Variants in ARHGAP26 observed in about 807,000 individuals in gnomAD.
ARHGAP26 encodes the protein rho GTPase-activating protein 26.
ARHGAP26 carries 38 observed loss-of-function variants against 104.8 expected under a neutral mutation model. The ratio of observed to expected loss-of-function variants is 0.36; its 90% CI spans 0.28 to 0.48. The LOEUF (loss-of-function observed/expected upper bound fraction) is 0.48. Among genes scored for constraint, ARHGAP26 ranks in the 20% least tolerant of loss-of-function variants. The pLI is 0.99. For synonymous variants in ARHGAP26, 341 were observed against 340.0 expected (o/e 1.00, Z -0.03); for missense variants, 704 against 947.9 (o/e 0.74, Z 3.38).
chr5:142,879,395 C>T lies in ARHGAP26; in HGVS notation c.334C>T (p.Leu112Phe), dbSNP rs1171407994. ...IRMIENASEVLITPLEKFRKE... is the reference protein window; with the variant it reads ...IRMIENASEVFITPLEKFRKE... ...CCAGATTGAGAATGCCAGCGAGGTG[C>T]TCATCACTCCCTTGGAGAAGTTTCG... The change falls in exon 4 of 23, where the codon CTC (leucine) becomes TTC (phenylalanine). Residue 112 changes from leucine to phenylalanine, a missense_variant. Leu to Phe is a conservative substitution (Grantham distance 22, BLOSUM62 0). This residue lies in a region of ARHGAP26 where 106 missense variants were observed against 120.5 expected (regional missense o/e 0.88). Coordinates refer to ENST00000645722, the MANE Select transcript of ARHGAP26 (RefSeq NM_001135608.3). 6.2e-7 allele frequency: 1 copy of T among 1,613,978 alleles called. No individual in the cohort carries two copies. The highest frequency in any genetic ancestry group is 8.5e-7 in the Non-Finnish European group (1 of 1,179,996).
At chr5:143,214,698 C>T (rs1163111713) in intron 22 of ARHGAP26, among the ~76,000 whole-genome samples, 1 of 152,106 alleles carries the variant, frequency 6.6e-6, no homozygotes, top group Non-Finnish European at 1.5e-5. Flanking sequence ...GTGCCCAGCC[C>T]CTGCATTCAG....
At chr5:142,922,174 A>C (rs73796612) in intron 10 of ARHGAP26, 1 of 152,222 alleles carries the variant, frequency 6.6e-6, no homozygotes, top group East Asian at 1.9e-4. Context: ...AAGAAACTGT[A>C]TTAATTTTAA....
chr5:142,900,079 G>A (rs1760079064), intron 6 of ARHGAP26, among the ~76,000 whole-genome samples: 1 of 152,202 alleles, frequency 6.6e-6, no homozygotes. Flanking sequence ...CGATGGGGCA[G>A]GGCATTTGCA....
At position 142,903,490 on chromosome 5, in the gene ARHGAP26, A is replaced by T. The variant is rs35292; in HGVS notation, c.703-50A>T. ...TTCTATTAGGTTGATCTGGATTGTT[A>T]AAACAGATACTTTGTTTCTTTGATT... On this transcript the variant is annotated intron_variant, in intron 7 of 22. Coordinates refer to ENST00000645722, the MANE Select transcript of ARHGAP26 (RefSeq NM_001135608.3). The T allele has an allele frequency of 2.3e-4, 370 of 1,589,468 alleles. 1 individual carries two copies. The highest frequency in any genetic ancestry group is 1.5e-5 in the Non-Finnish European group (17 of 1,164,900).
At chr5:142,781,009 T>G (rs1051685334) in intron 1 of ARHGAP26, among the ~76,000 whole-genome samples, 1 of 152,252 alleles carries the variant, frequency 6.6e-6, no homozygotes, top group Non-Finnish European at 1.5e-5. Flanking sequence ...GAAGGCTACA[T>G]TGGCCAGGTT....
chr5:142,972,594 G>A (rs572905171), intron 11 of ARHGAP26, among the ~76,000 whole-genome samples: 4 of 152,150 alleles, frequency 2.6e-5, no homozygotes, highest in African/African-American at 7.2e-5. Context: ...ATGTAGTAAA[G>A]CAGTTACTAT....
chr5:143,009,229 C>T (rs2152805960), intron 11 of ARHGAP26, among the ~76,000 whole-genome samples: 1 of 152,292 alleles, frequency 6.6e-6, no homozygotes, highest in African/African-American at 2.4e-5. Context: ...CTTTCTGACT[C>T]AGGGCAAGTT....
chr5:143,021,685 C>G (rs1780363294), intron 12 of ARHGAP26, among the ~76,000 whole-genome samples: 1 of 152,174 alleles, frequency 6.6e-6, no homozygotes, highest in Admixed American at 6.5e-5. Context: ...TTCATAAACT[C>G]ATTGTAAGAA....
chr5:143,067,392 T>C (rs1438978001), intron 17 of ARHGAP26, among the ~76,000 whole-genome samples: 1 of 152,234 alleles, frequency 6.6e-6, no homozygotes, highest in Non-Finnish European at 1.5e-5. Flanking sequence ...TACTGAAATC[T>C]GTATTGAAGT....
chr5:142,927,712 T>A (rs1764123129), intron 10 of ARHGAP26, among the ~76,000 whole-genome samples: 3 of 152,208 alleles, frequency 2.0e-5, no homozygotes, highest in Admixed American at 2.0e-4. Flanking sequence ...TGCTAGGTCA[T>A]AGGGCAGGTT....
chr5:143,198,962 A>G (rs976554768), intron 20 of ARHGAP26, among the ~76,000 whole-genome samples: 12 of 152,238 alleles, frequency 7.9e-5, no homozygotes, highest in African/African-American at 2.9e-4. Flanking sequence ...TTAAAGCTAG[A>G]AAACAGAACC....
chr5:143,103,464 A>G (rs1270632407), intron 17 of ARHGAP26: 1 of 152,778 alleles, frequency 6.5e-6, no homozygotes, highest in Non-Finnish European at 1.5e-5. Context: ...AAAGGATTAT[A>G]AATCATTCTA....
intron 1 of ARHGAP26, among the ~76,000 whole-genome samples, chr5:142,809,450 C>T (rs1348029728): frequency 6.6e-6 from 1 of 152,152 alleles, no homozygotes; most frequent in Non-Finnish European, 1.5e-5. Flanking sequence ...TGGACACTAG[C>T]AATCAAGACA....
At chr5:143,034,210 C>T (rs527270838) in intron 12 of ARHGAP26, among the ~76,000 whole-genome samples, 11 of 152,104 alleles carry the variant, frequency 7.2e-5, no homozygotes, top group South Asian at 2.1e-4. Context: ...AAGTTAAGCA[C>T]GGTGTCATTC....
chr5:142,827,130 T>C (rs933670988), intron 1 of ARHGAP26, among the ~76,000 whole-genome samples: 4 of 152,146 alleles, frequency 2.6e-5, no homozygotes, highest in Admixed American at 6.5e-5. Flanking sequence ...CTATTTTTTT[T>C]CTACCCTATT....
In ARHGAP26 at chr5:142,871,395, T is replaced by C. The variant is rs751683118; in HGVS notation, c.155-2005T>C. On this transcript the variant is annotated intron_variant, in intron 1 of 22. Coordinates refer to ENST00000645722, the MANE Select transcript of ARHGAP26 (RefSeq NM_001135608.3). This position sits in a 1 kb window ranked among gnomAD's most constrained non-coding sequence, Gnocchi z 4.1. ...AGCTTTCCCGAGCCTGGCTTGCATT[T>C]CACCTGTTTCCACTTTGTTGAGATG... Among the ~76,000 whole-genome samples, 2 of 152,208 alleles carry C rather than the reference T, an allele frequency of 1.3e-5. No homozygotes were observed. The highest frequency in any genetic ancestry group is 2.9e-5 in the Non-Finnish European group (2 of 68,040).
intron 14 of ARHGAP26, among the ~76,000 whole-genome samples, chr5:143,051,817 T>A (rs1785075916): frequency 6.6e-6 from 1 of 152,184 alleles, no homozygotes; most frequent in African/African-American, 2.4e-5. Flanking sequence ...CATGCAACAG[T>A]TCACAACTCC....
At chr5:143,222,282 CA>C (rs1811305581) in intron 22 of ARHGAP26, 75 bp from the exon 23 acceptor site, 32 of 875,992 alleles carry the variant, frequency 3.7e-5, no homozygotes, top group South Asian at 3.5e-4. Flanking sequence ...CACACACACA[CA>C]CCCCACACAC....
At chr5:143,138,669 A>T (rs532543161) in intron 19 of ARHGAP26, among the ~76,000 whole-genome samples, 18 of 152,306 alleles carry the variant, frequency 1.2e-4, no homozygotes, top group African/African-American at 4.3e-4. Context: ...GATTTAGCCA[A>T]ACTGAACCTG....
Sources: gnomAD v4.1 joint callset for allele counts (sites outside exome capture counted in the v4.1 genomes callset) on GRCh38, gnomAD v4.1.1 for gene constraint, gnomAD v4.1.1 regional missense constraint, Gnocchi (gnomAD v3.1) non-coding constraint, MANE v1.5 for transcripts, NCBI Gene and HGNC (gene_info 2026-07-23, HGNC 2026-07-21) for gene names.